Variants in C2orf92 observed in about 807,000 individuals in gnomAD.
C2orf92 encodes uncharacterized protein C2orf92.
intron 6 of C2orf92, among the ~76,000 whole-genome samples, chr2:97,700,742 G>A (rs1483717688): frequency 8.9e-6 from 1 of 112,712 alleles, no homozygotes; most frequent in Non-Finnish European, 2.1e-5. Flanking sequence ...TTTTTTTTTT[G>A]AGATGGAGTC....
At chr2:97,696,474 C>T (rs560347200) in intron 5 of C2orf92, among the ~76,000 whole-genome samples, 107 of 151,180 alleles carry the variant, frequency 7.1e-4, no homozygotes, top group Non-Finnish European at 1.2e-3. Flanking sequence ...TGGTGGCTCA[C>T]GCCTGTAATC....
At chr2:97,699,766 C>G (rs1573231019) in intron 6 of C2orf92, among the ~76,000 whole-genome samples, 1 of 152,346 alleles carries the variant, frequency 6.6e-6, no homozygotes, top group East Asian at 1.9e-4. Context: ...ATGCTGGTAC[C>G]AAGTGCAGTA....
At chr2:97,683,217 A>G (rs1675840289) in intron 3 of C2orf92, among the ~76,000 whole-genome samples, 1 of 152,178 alleles carries the variant, frequency 6.6e-6, no homozygotes, top group African/African-American at 2.4e-5. Flanking sequence ...ATACACTAAT[A>G]ATCCAAACAA....
intron 3 of C2orf92, among the ~76,000 whole-genome samples, chr2:97,682,000 A>G (rs1313976202): frequency 6.6e-6 from 1 of 152,222 alleles, no homozygotes; most frequent in African/African-American, 2.4e-5. Context: ...ATAACAGAAA[A>G]ACAATAGAAG....
chr2:97,700,203 G>A (rs186469607), intron 6 of C2orf92, among the ~76,000 whole-genome samples: 1 of 152,260 alleles, frequency 6.6e-6, no homozygotes, highest in African/African-American at 2.4e-5. Context: ...GTGGTATTCC[G>A]TCCACTCTCA....
chr2:97,666,205 T>C (rs1478384696), upstream of C2orf92, among the ~76,000 whole-genome samples: 2 of 151,454 alleles, frequency 1.3e-5, no homozygotes, highest in Admixed American at 1.3e-4. Context: ...CTTATGACCA[T>C]GGGTTGGGAC....
chr2:97,695,395 T>A (rs1676276366), intron 5 of C2orf92, among the ~76,000 whole-genome samples: 1 of 152,230 alleles, frequency 6.6e-6, no homozygotes, highest in African/African-American at 2.4e-5. Context: ...GTTTTCCTAG[T>A]ACCATTTGTT....
chr2:97,696,187 C>T (rs901966380), intron 5 of C2orf92, among the ~76,000 whole-genome samples: 4 of 152,172 alleles, frequency 2.6e-5, no homozygotes, highest in African/African-American at 9.7e-5. Context: ...AAAGTGCTTA[C>T]GTTGTAATCG....
At chr2:97,672,073 AG>A (rs1044704831) in intron 1 of C2orf92, among the ~76,000 whole-genome samples, 3 of 152,280 alleles carry the variant, frequency 2.0e-5, no homozygotes, top group East Asian at 1.9e-4. Context: ...GACGGAGAAA[AG>A]GGTTCTGAAC....
At chr2:97,696,240 G>A (rs1676302044) in intron 5 of C2orf92, among the ~76,000 whole-genome samples, 1 of 152,324 alleles carries the variant, frequency 6.6e-6, no homozygotes, top group East Asian at 1.9e-4. Context: ...CCTTGATAGG[G>A]TTTTTCCAAG....
At chr2:97,690,602 C>T (rs1676098478) in intron 5 of C2orf92, among the ~76,000 whole-genome samples, 1 of 151,960 alleles carries the variant, frequency 6.6e-6, no homozygotes, top group East Asian at 1.9e-4. Flanking sequence ...AGTATGGTCT[C>T]GATCTCCTGA....
At chr2:97,686,287 A>G (rs1398041303) in intron 3 of C2orf92, among the ~76,000 whole-genome samples, 1 of 152,210 alleles carries the variant, frequency 6.6e-6, no homozygotes, top group African/African-American at 2.4e-5. Context: ...CACAATTTCC[A>G]TGACCCAAAC....
At chr2:97,665,733 CTCTCTATATATATA>C (rs1483109669), upstream of C2orf92, 63 of 19,768 alleles carry the variant, frequency 3.2e-3, no homozygotes, top group African/African-American at 8.8e-3. Context: ...CTCTCTCTCT[CTCTCTATATATATA>C]TATATATATA....
Position 97,702,875 on chromosome 2 carries a change from G to A in C2orf92, c.*74G>A, listed in dbSNP as rs1307394754. ...ACATTCTCCATCTGCGCACCACAGG[G>A]AGGCAATTCCATTTCTGCCCGGGAG... On this transcript the variant is annotated 3_prime_UTR_variant, in exon 8 of 8. Transcript: ENST00000627399. The A allele has an allele frequency of 2.5e-6, 1 of 398,326 alleles. No individual in the cohort carries two copies. The highest frequency in any genetic ancestry group is 4.4e-6 in the Non-Finnish European group (1 of 225,818). 24.7% of individuals were successfully genotyped at this position (398,326 alleles called of 1,614,324 possible). A position where few individuals can be genotyped will look rare whatever the true frequency, so the allele number is the denominator to read the frequency against.
At chr2:97,674,676 G>T (rs1426756796) in intron 2 of C2orf92, 119 bp downstream of exon 2, 5 of 394,662 alleles carry the variant, frequency 1.3e-5, no homozygotes, top group Non-Finnish European at 2.2e-5. Flanking sequence ...TGGAGGGGGT[G>T]CAAAGCCAAA....
upstream of C2orf92, chr2:97,669,104 G>GA (rs1239859703): frequency 2.0e-5 from 3 of 152,092 alleles, no homozygotes; most frequent in Non-Finnish European, 4.4e-5. Context: ...GAAAAAACTA[G>GA]AAAAAAGTGT....
At chr2:97,685,871 T>C (rs1457285209) in intron 3 of C2orf92, among the ~76,000 whole-genome samples, 1 of 152,198 alleles carries the variant, frequency 6.6e-6, no homozygotes, top group Non-Finnish European at 1.5e-5. Context: ...CCAGAATGGC[T>C]ATTTTTTTAA....
intron 3 of C2orf92, among the ~76,000 whole-genome samples, chr2:97,684,663 C>G (rs566633516): frequency 6.6e-6 from 1 of 152,252 alleles, no homozygotes; most frequent in African/African-American, 2.4e-5. Flanking sequence ...ATATCAAAGG[C>G]ATTTCTCCCA....
chr2:97,675,952 C>G, intron 3 of C2orf92, 24 bp downstream of exon 3: 1 of 398,614 alleles, frequency 2.5e-6, no homozygotes, highest in Non-Finnish European at 4.4e-6. Flanking sequence ...TGCTATGAAG[C>G]CTTTAGCCTG....
Sources: gnomAD v4.1 joint callset for allele counts (sites outside exome capture counted in the v4.1 genomes callset) on GRCh38, gnomAD v4.1.1 for gene constraint, MANE v1.5 for transcripts, NCBI Gene and HGNC (gene_info 2026-07-23, HGNC 2026-07-21) for gene names.